ADAM28: variants seen among roughly 807,000 people sequenced by gnomAD.
The protein encoded by ADAM28 is disintegrin and metalloproteinase domain-containing protein 28.
In ADAM28, 105 loss-of-function variants were observed where a neutral mutation model predicts 101.2. That is an observed-to-expected ratio of 1.04 (90% confidence interval 0.89 to 1.22). ADAM28 has a LOEUF of 1.22. Among genes scored for constraint, ADAM28 ranks in the 50% most tolerant of loss-of-function variants. The probability of loss-of-function intolerance (pLI) is 0.00; values close to 1 mark genes in which losing one functional copy is unlikely to be tolerated. For synonymous variants in ADAM28, 322 were observed against 310.6 expected (o/e 1.04, Z -0.39); for missense variants, 1,028 against 945.4 (o/e 1.09, Z -1.15).
intron 14 of ADAM28, among the ~76,000 whole-genome samples, chr8:24,338,533 T>C (rs1200347083): frequency 2.0e-5 from 3 of 152,106 alleles, no homozygotes; most frequent in Admixed American, 6.6e-5. Context: ...CATGTAGATA[T>C]TGTATTATAA....
chr8:24,332,771 TTAA>T (rs1184179419), intron 13 of ADAM28, 22 bp downstream of exon 13: 15 of 1,283,056 alleles, frequency 1.2e-5, no homozygotes, highest in Non-Finnish European at 1.6e-5. Context: ...TTATTCTATT[TTAA>T]TAATTATGAT....
intron 3 of ADAM28, 80 bp downstream of exon 3, chr8:24,310,050 A>G (rs1481795332): frequency 5.4e-6 from 8 of 1,482,458 alleles, no homozygotes; most frequent in African/African-American, 4.2e-5. Flanking sequence ...GTTGCTGCTT[A>G]TGGCTCACAC....
intron 2 of ADAM28, among the ~76,000 whole-genome samples, chr8:24,301,356 T>A (rs1302472435): frequency 6.6e-6 from 1 of 152,190 alleles, no homozygotes; most frequent in Non-Finnish European, 1.5e-5. Flanking sequence ...ACACCTTTTT[T>A]CCTGTTGTGC....
chr8:24,308,296 G>C (rs1281171092), intron 2 of ADAM28, among the ~76,000 whole-genome samples: 2 of 152,110 alleles, frequency 1.3e-5, no homozygotes, highest in Non-Finnish European at 2.9e-5. Context: ...TCTTTCAAAA[G>C]TATTATTATT....
rs1407525691 is a variant in ADAM28, at chr8:24,326,598, C to G, written c.935C>G (p.Ser312Cys). 1 of 1,612,118 alleles carries G rather than the reference C, an allele frequency of 6.2e-7. No homozygotes were observed. The highest frequency in any genetic ancestry group is 1.7e-5 in the Admixed American group (1 of 59,886). ...ACGACTGTGGGTCTTGCATTTATGTCTACAATGTGTTCTCCTTATTCTGTT... is the reference window on the plus strand; with the variant it reads ...ACGACTGTGGGTCTTGCATTTATGTGTACAATGTGTTCTCCTTATTCTGTT... Reference protein sequence around the residue: ...AGTTVGLAFMSTMCSPYSVGV... With the variant: ...AGTTVGLAFMCTMCSPYSVGV... Residue 312 changes from serine to cysteine, a missense_variant, in exon 10 of 23, where the codon TCT becomes TGT. By Grantham distance (112) the Ser-to-Cys change is moderately radical (BLOSUM62 -1). Transcript: ENST00000265769.
chr8:24,329,886 TGAGAGA>T lies in ADAM28; in HGVS notation c.973-74_973-69del, dbSNP rs1287352791. 488 of 564,302 alleles carry T rather than the reference TGAGAGA, an allele frequency of 8.6e-4. 6 individuals carry two copies. The highest frequency in any genetic ancestry group is 4.9e-3 in the South Asian group (239 of 48,322). The allele number at this position is 564,302 out of a possible 1,614,324, so 35.0% of individuals were successfully genotyped here. On this transcript the variant is annotated intron_variant, in intron 10 of 22. Transcript: ENST00000265769. ...GTGTGTGTTTGTGTGTGTGTGTGTG[TGAGAGA>T]GAGAGAGAGAGAGAGAGAGAGAGAT...
intron 10 of ADAM28, among the ~76,000 whole-genome samples, chr8:24,329,277 C>T (rs937412157): frequency 6.6e-6 from 1 of 152,132 alleles, no homozygotes; most frequent in Non-Finnish European, 1.5e-5. Context: ...ACATTTAGTT[C>T]TTTGAGATGA....
At position 24,343,552 on chromosome 8, in the gene ADAM28, C is replaced by T; in HGVS notation, c.1958C>T (p.Pro653Leu). ...LQCQCEEGWIPPDCDDSSVVF... is the reference protein window; with the variant it reads ...LQCQCEEGWILPDCDDSSVVF... ...TGTCAATGTGAGGAAGGATGGATCCCTCCCGACTGCGATGACTCCTCAGTG... is the reference window on the plus strand; with the variant it reads ...TGTCAATGTGAGGAAGGATGGATCCTTCCCGACTGCGATGACTCCTCAGTG... The change falls in exon 18 of 23, where the codon CCT becomes CTT. Residue 653 changes from proline to leucine, a missense_variant. Physicochemically the swap from Pro to Leu is moderately conservative, Grantham distance 98. Coordinates refer to ENST00000265769, the MANE Select transcript of ADAM28 (RefSeq NM_014265.6). 6.2e-7 allele frequency: 1 copy of T among 1,613,780 alleles called. No individual in the cohort carries two copies. The highest frequency in any genetic ancestry group is 8.5e-7 in the Non-Finnish European group (1 of 1,179,798).
intron 2 of ADAM28, among the ~76,000 whole-genome samples, chr8:24,306,221 T>A (rs1167581223): frequency 6.6e-6 from 1 of 151,230 alleles, no homozygotes; most frequent in African/African-American, 2.4e-5. Flanking sequence ...TGCGCACCTG[T>A]AACACCAGCT....
At chr8:24,310,278 T>C (rs1181492981) in intron 4 of ADAM28, 37 bp downstream of exon 4, 1 of 1,585,778 alleles carries the variant, frequency 6.3e-7, no homozygotes, top group Non-Finnish European at 8.7e-7. Flanking sequence ...AATTAGGGTT[T>C]TACCCACAGA....
In ADAM28 at chr8:24,294,177, C is replaced by T; in HGVS notation, c.28C>T (p.Leu10Phe). 1.9e-6 allele frequency: 3 copies of T among 1,614,166 alleles called. No homozygotes were observed. The highest frequency in any genetic ancestry group is 2.5e-6 in the Non-Finnish European group (3 of 1,180,006). The change falls in exon 1 of 23, where the codon CTC (leucine) becomes TTC (phenylalanine). Residue 10 changes from leucine (L) to phenylalanine (F), a missense_variant. Transcript: ENST00000265769. MLQGLLPVS[L>F]LLSVAVSAIK... ...GTTGCAAGGTCTCCTGCCAGTCAGTCTCCTCCTCTCTGTTGCAGGTACATA... is the reference window on the plus strand; with the variant it reads ...GTTGCAAGGTCTCCTGCCAGTCAGTTTCCTCCTCTCTGTTGCAGGTACATA...
intron 14 of ADAM28, among the ~76,000 whole-genome samples, chr8:24,338,693 G>C (rs1318092782): frequency 6.6e-6 from 1 of 152,128 alleles, no homozygotes; most frequent in Non-Finnish European, 1.5e-5. Flanking sequence ...TTAGCTTGCT[G>C]TTTGTCAAAG....
chr8:24,321,692 G>A (rs1008495173), intron 8 of ADAM28, among the ~76,000 whole-genome samples: 2 of 151,984 alleles, frequency 1.3e-5, no homozygotes, highest in Middle Eastern at 3.4e-3. Flanking sequence ...CCAGAACAAC[G>A]CTAAATGTTA....
At chr8:24,320,025 A>T (rs1049418035) in intron 6 of ADAM28, among the ~76,000 whole-genome samples, 4 of 151,982 alleles carry the variant, frequency 2.6e-5, no homozygotes, top group Non-Finnish European at 5.9e-5. Flanking sequence ...GGAAGGAATC[A>T]GACCAGAATA....
chr8:24,326,558 A>G lies in ADAM28; in HGVS notation c.895A>G (p.Thr299Ala), dbSNP rs1251214917. Reference protein sequence around the residue: ...RHDIAQLITATELAGTTVGLA... With the variant: ...RHDIAQLITAAELAGTTVGLA... ...CAATTTATTCCTTTCTTGCAGAGCA[A>G]CAGAACTTGCTGGAACGACTGTGGG... The change falls in exon 10 of 23, where the codon ACA becomes GCA. Residue 299 changes from threonine to alanine, a missense_variant. By Grantham distance (58) the Thr-to-Ala change is moderately conservative. Transcript: ENST00000265769. 4.3e-6 allele frequency: 7 copies of G among 1,611,578 alleles called. No homozygotes were observed. The highest frequency in any genetic ancestry group is 3.3e-5 in the South Asian group (3 of 90,874).
In ADAM28 at chr8:24,331,228, C is replaced by G; in HGVS notation, c.1182C>G (p.Cys394Trp). 1 of 1,613,372 alleles carries G rather than the reference C, an allele frequency of 6.2e-7. No homozygotes were observed. The highest frequency in any genetic ancestry group is 1.3e-5 in the African/African-American group (1 of 74,968). ...TTTTTGAAGATAAATTATCAAATTG[C>G]CTCTTTAATGCTCCATTGCCTACAG... The part of the protein sequence containing the change: ...DKFFEDKLSN[C>W]LFNAPLPTDI... Residue 394 changes from cysteine to tryptophan, a missense_variant, in exon 12 of 23, where the codon TGC becomes TGG. Cys to Trp is a radical substitution (Grantham distance 215). Transcript: ENST00000265769.
chr8:24,356,044 T>A lies in ADAM28; in HGVS notation c.*1640T>A, dbSNP rs1017359224. ...AGTATGAGGTTCTAGATAAGCCCAC[T>A]CTGGCCTCAAAAGTGAAGCTCAGTC... On this transcript the variant is annotated 3_prime_UTR_variant, in exon 23 of 23. Transcript: ENST00000265769. 6.6e-6 allele frequency: 1 copy of A among 152,140 alleles called. No individual in the cohort carries two copies. Among genetic ancestry groups the A allele is most frequent in the African/African-American group, 2.4e-5 (1 of 41,444 alleles). The allele number at this position is 152,140 out of a possible 1,614,324, so 9.4% of individuals were successfully genotyped here.
intron 18 of ADAM28, among the ~76,000 whole-genome samples, chr8:24,347,747 T>C (rs1815577665): frequency 6.6e-6 from 1 of 152,122 alleles, no homozygotes; most frequent in African/African-American, 2.4e-5. Context: ...ATGAACAGTG[T>C]ATCATGATGA....
chr8:24,299,056 G>A (rs1419802382), intron 1 of ADAM28, among the ~76,000 whole-genome samples: 2 of 151,782 alleles, frequency 1.3e-5, no homozygotes, highest in Non-Finnish European at 2.9e-5. Context: ...AGCCAGGCAT[G>A]GTGGTGCACA....
Sources: gnomAD v4.1 joint callset for allele counts (sites outside exome capture counted in the v4.1 genomes callset) on GRCh38, gnomAD v4.1.1 for gene constraint, MANE v1.5 for transcripts, NCBI Gene and HGNC (gene_info 2026-07-23, HGNC 2026-07-21) for gene names.